USP37: variants seen among roughly 807,000 people sequenced by gnomAD.
The protein encoded by USP37 is ubiquitin specific peptidase 37, also known as ubiquitin carboxyl-terminal hydrolase 37.
In USP37, 27 loss-of-function variants were observed where a neutral mutation model predicts 124.0. The observed-to-expected ratio is 0.22, with a 90% CI of 0.16 to 0.30. The LOEUF (loss-of-function observed/expected upper bound fraction) is 0.30. Among genes scored for constraint, USP37 ranks in the 10% least tolerant of loss-of-function variants. The pLI, the probability that USP37 is intolerant of heterozygous loss-of-function variation, is 1.00. For missense variants in USP37, 889 were observed against 1,140.4 expected, an observed-to-expected ratio of 0.78 and a Z score of 3.17; for synonymous variants, 365 against 388.0, an observed-to-expected ratio of 0.94 and a Z score of 0.70.
chr2:218,464,572 A>C (rs1690207732), intron 21 of USP37, among the ~76,000 whole-genome samples: 1 of 152,210 alleles, frequency 6.6e-6, no homozygotes, highest in Non-Finnish European at 1.5e-5. Context: ...ATGAACCCAA[A>C]GCAGGCCTCA....
At chr2:218,529,898 A>G (rs1235209356) in intron 10 of USP37, 58 bp downstream of exon 10, 16 of 1,350,780 alleles carry the variant, frequency 1.2e-5, no homozygotes, top group Non-Finnish European at 1.4e-5. Flanking sequence ...CAATCATTCA[A>G]TATTCTGAAA....
intron 18 of USP37, among the ~76,000 whole-genome samples, chr2:218,477,628 A>G (rs1490770736): frequency 6.6e-6 from 1 of 152,250 alleles, no homozygotes; most frequent in Non-Finnish European, 1.5e-5. Flanking sequence ...AGAACTATAA[A>G]GTCATTTAAT....
Position 218,510,150 on chromosome 2 carries a change from A to C in USP37, c.864-10T>G, listed in dbSNP as rs770846600. The C allele has an allele frequency of 6.3e-7, 1 of 1,597,702 alleles. No individual in the cohort carries two copies. The highest frequency in any genetic ancestry group is 2.2e-5 in the East Asian group (1 of 44,720). ...GCTTGAAACATTAGTCCTACAAAAA[A>C]GCATAAATAATGAAGAAGCAAAATA... On this transcript the variant is annotated splice_polypyrimidine_tract_variant and intron_variant, in intron 10 of 25. Coordinates refer to ENST00000258399, the MANE Select transcript of USP37 (RefSeq NM_020935.3).
chr2:218,501,546 A>C (rs1197736985), intron 11 of USP37, among the ~76,000 whole-genome samples: 1 of 152,192 alleles, frequency 6.6e-6, no homozygotes, highest in Non-Finnish European at 1.5e-5. Flanking sequence ...GATACTAGAC[A>C]ATAGGCAGCA....
At chr2:218,536,254 C>T (rs2106031599) in intron 8 of USP37, among the ~76,000 whole-genome samples, 1 of 152,208 alleles carries the variant, frequency 6.6e-6, no homozygotes, top group East Asian at 1.9e-4. Context: ...AATAAATGTT[C>T]ATGCTTTAAC....
At chr2:218,564,847 C>T (rs1264344016) in intron 1 of USP37, among the ~76,000 whole-genome samples, 1 of 152,186 alleles carries the variant, frequency 6.6e-6, no homozygotes, top group Non-Finnish European at 1.5e-5. Flanking sequence ...GGTATTCATA[C>T]ACCTCCATTT....
intron 9 of USP37, 23 bp from the exon 10 acceptor site, chr2:218,530,063 A>C: frequency 6.4e-7 from 1 of 1,569,562 alleles, no homozygotes; most frequent in Non-Finnish European, 8.7e-7. Flanking sequence ...TGAACAAAGG[A>C]AAAACTTAAT....
At position 218,546,217 on chromosome 2, in the gene USP37, T is replaced by G. The variant is rs775106787; in HGVS notation, c.680+4A>C. 6.2e-7 allele frequency: 1 copy of G among 1,609,892 alleles called. No homozygotes were observed. Among genetic ancestry groups the G allele is most frequent in the East Asian group, 2.2e-5 (1 of 44,786 alleles). ...ACACTATAAAGGCCCTTAAAGTAAC[T>G]TACGATGATGAATCATTTTCCTTAG... is the stretch of plus-strand genomic sequence containing the variant. On this transcript the variant is annotated splice_donor_region_variant and intron_variant, in intron 8 of 25. Coordinates refer to ENST00000258399, the MANE Select transcript of USP37 (RefSeq NM_020935.3).
chr2:218,522,684 G>T (rs1046567397), intron 10 of USP37, among the ~76,000 whole-genome samples: 2 of 151,614 alleles, frequency 1.3e-5, no homozygotes, highest in South Asian at 4.2e-4. Flanking sequence ...GGGGATAAAT[G>T]ATATCCTTGA....
intron 15 of USP37, among the ~76,000 whole-genome samples, chr2:218,486,816 C>T (rs959511670): frequency 1.3e-5 from 2 of 152,114 alleles, no homozygotes; most frequent in African/African-American, 4.8e-5. Context: ...AGCTCCACCT[C>T]CCAGGTTCAC....
chr2:218,520,355 T>TG (rs948891347), intron 10 of USP37, among the ~76,000 whole-genome samples: 1 of 151,492 alleles, frequency 6.6e-6, no homozygotes, highest in African/African-American at 2.4e-5. Context: ...CTTTTTTTTT[T>TG]TTTTTTTTCC....
intron 17 of USP37, 70 bp from the exon 18 acceptor site, chr2:218,479,785 A>G (rs903046555): frequency 3.2e-6 from 3 of 941,280 alleles, no homozygotes; most frequent in Non-Finnish European, 4.3e-6. Flanking sequence ...AAATTATAAA[A>G]TGAATTATTC....
intron 22 of USP37, among the ~76,000 whole-genome samples, chr2:218,461,925 C>A (rs1019283736): frequency 1.3e-5 from 2 of 152,098 alleles, no homozygotes; most frequent in African/African-American, 4.8e-5. Flanking sequence ...GGGAGGCCAA[C>A]GCAGGTGGAT....
Position 218,495,916 on chromosome 2 carries a change from T to C in USP37, c.1316A>G (p.Gln439Arg), listed in dbSNP as rs1689057129. The change falls in exon 14 of 26, where the codon CAG (glutamine) becomes CGG (arginine). Residue 439 changes from glutamine (Q) to arginine (R), a missense_variant. Gln to Arg is a conservative substitution (Grantham distance 43, BLOSUM62 1). Coordinates refer to ENST00000258399, the MANE Select transcript of USP37 (RefSeq NM_020935.3). Reference sequence around the variant, plus strand: ...TAATTTTTCCATATCTTCTTTCAGCTGGTCCAAACACTGACTTAAAAATTC... The same window carrying C: ...TAATTTTTCCATATCTTCTTTCAGCCGGTCCAAACACTGACTTAAAAATTC... ...AHEFLSQCLDQLKEDMEKLNK... is the reference protein window; with the variant it reads ...AHEFLSQCLDRLKEDMEKLNK... 6.2e-7 allele frequency: 1 copy of C among 1,613,056 alleles called. No homozygotes were observed. The highest frequency in any genetic ancestry group is 2.2e-5 in the East Asian group (1 of 44,876).
Position 218,510,047 on chromosome 2 carries a change from G to A in USP37, c.957C>T (p.Asn319=), listed in dbSNP as rs750126055. ...GTTTATTCCAGCCAGTGTAATCCTGGTTACACCTCAGTTTTTTAACAGAAA... is the reference window on the plus strand; with the variant it reads ...GTTTATTCCAGCCAGTGTAATCCTGATTACACCTCAGTTTTTTAACAGAAA... ...VPLSVKKLRC[N]QDYTGWNKPR... Residue 319 remains asparagine (N), a synonymous_variant, in exon 11 of 26, where the codon AAC becomes AAT. Coordinates refer to ENST00000258399, the MANE Select transcript of USP37 (RefSeq NM_020935.3). 42 of 1,613,092 alleles carry A rather than the reference G, an allele frequency of 2.6e-5. No homozygotes were observed. Among genetic ancestry groups the A allele is most frequent in the Non-Finnish European group, 3.5e-5 (41 of 1,179,754 alleles).
intron 11 of USP37, among the ~76,000 whole-genome samples, chr2:218,503,993 T>C (rs1255669580): frequency 1.3e-5 from 2 of 152,082 alleles, no homozygotes; most frequent in Admixed American, 1.3e-4. Context: ...TCACTATTAA[T>C]ATAAGACACA....
At chr2:218,483,996 C>T (rs898028965) in intron 16 of USP37, among the ~76,000 whole-genome samples, 2 of 151,644 alleles carry the variant, frequency 1.3e-5, no homozygotes, top group African/African-American at 4.8e-5. Flanking sequence ...CTGTCTCTAC[C>T]AAAAACACAA....
At position 218,480,386 on chromosome 2, in the gene USP37, G is replaced by A. The variant is rs1403058656; in HGVS notation, c.1836-671C>T. On this transcript the variant is annotated intron_variant, in intron 17 of 25. Transcript: ENST00000258399. ...TGCACTCCAGCCTGGGCGACAGAGC[G>A]AGACTCCGTCTCAAAAAAAAAAAAA... Among the ~76,000 whole-genome samples, 12 of 117,702 alleles carry A rather than the reference G, an allele frequency of 1.0e-4. No homozygotes were observed. In the East Asian group the frequency reaches 2.4e-3, roughly 24 times the overall value. 77.2% of individuals were successfully genotyped at this position (117,702 alleles called of 152,430 possible).
At chr2:218,458,732 G>A (rs907372791) in intron 23 of USP37, among the ~76,000 whole-genome samples, 1 of 152,122 alleles carries the variant, frequency 6.6e-6, no homozygotes, top group African/African-American at 2.4e-5. Flanking sequence ...AGGCAATATA[G>A]TACAGCCATT....
Sources: gnomAD v4.1 joint callset for allele counts (sites outside exome capture counted in the v4.1 genomes callset) on GRCh38, gnomAD v4.1.1 for gene constraint, MANE v1.5 for transcripts, NCBI Gene and HGNC (gene_info 2026-07-23, HGNC 2026-07-21) for gene names.